Variants in MTUS2 observed in about 807,000 individuals in gnomAD.
The protein encoded by MTUS2 is microtubule associated scaffold protein 2, also known as microtubule-associated tumor suppressor candidate 2.
Under a neutral mutation model 114.1 loss-of-function variants are expected in MTUS2, and 40 were observed. The ratio of observed to expected loss-of-function variants is 0.35; its 90% confidence interval spans 0.27 to 0.46. The LOEUF is 0.46. MTUS2 is among the 20% of genes least tolerant of loss of function. MTUS2 has a pLI of 1.00. For synonymous variants in MTUS2, 688 were observed against 672.0 expected (o/e 1.02, Z -0.37); for missense variants, 1,679 against 1,705.4 (o/e 0.98, Z 0.27).
chr13:28,824,130 A>G (rs538523706), intron 1 of MTUS2, among the ~76,000 whole-genome samples: 28 of 152,326 alleles, frequency 1.8e-4, no homozygotes, highest in African/African-American at 5.8e-4. Context: ...CCTCACTTGC[A>G]TTCCTACCTA....
chr13:29,232,912 G>A (rs1037796840), intron 5 of MTUS2, among the ~76,000 whole-genome samples: 4 of 152,108 alleles, frequency 2.6e-5, no homozygotes, highest in African/African-American at 7.2e-5. Context: ...TTTAAAATTC[G>A]GCTGTTGTTT....
chr13:29,068,526 C>T (rs1038683126), intron 4 of MTUS2, among the ~76,000 whole-genome samples: 3 of 151,940 alleles, frequency 2.0e-5, no homozygotes, highest in Admixed American at 6.6e-5. Flanking sequence ...GCACTGAAGA[C>T]AGAACCATAA....
intron 4 of MTUS2, among the ~76,000 whole-genome samples, chr13:29,078,697 T>C (rs1445428457): frequency 6.6e-6 from 1 of 152,200 alleles, no homozygotes; most frequent in Admixed American, 6.5e-5. Flanking sequence ...ATTTTGGGCA[T>C]TTCGTGTAAT....
intron 5 of MTUS2, among the ~76,000 whole-genome samples, chr13:29,101,232 C>A (rs1243983275): frequency 6.6e-6 from 1 of 151,900 alleles, no homozygotes; most frequent in East Asian, 1.9e-4. Flanking sequence ...ATTCCAGCAG[C>A]CCTTTGCTTT....
chr13:28,988,250 G>A (rs1884676193), intron 2 of MTUS2, among the ~76,000 whole-genome samples: 1 of 152,210 alleles, frequency 6.6e-6, no homozygotes, highest in South Asian at 2.1e-4. Context: ...ACCACAGCAA[G>A]ATTAATGGAG....
chr13:29,146,757 T>C (rs1892450874), intron 5 of MTUS2, among the ~76,000 whole-genome samples: 2 of 152,292 alleles, frequency 1.3e-5, no homozygotes, highest in African/African-American at 4.8e-5. Context: ...TGAAGTTGAG[T>C]ATATTAATCC....
chr13:29,424,754 A>G (rs1213400188), intron 8 of MTUS2, among the ~76,000 whole-genome samples: 1 of 152,190 alleles, frequency 6.6e-6, no homozygotes, highest in African/African-American at 2.4e-5. Context: ...TTACAAAGAA[A>G]CAAAGAGGCA....
chr13:29,298,948 C>T (rs1412279686), intron 6 of MTUS2, among the ~76,000 whole-genome samples: 1 of 152,008 alleles, frequency 6.6e-6, no homozygotes, highest in African/African-American at 2.4e-5. Flanking sequence ...CCGTGGTCTC[C>T]CCAAGGCTGA....
At chr13:29,176,414 C>T (rs1057383703) in intron 5 of MTUS2, among the ~76,000 whole-genome samples, 5 of 152,240 alleles carry the variant, frequency 3.3e-5, no homozygotes, top group East Asian at 3.9e-4. Context: ...CTGTGGTGTC[C>T]GTTGTGTGTT....
intron 5 of MTUS2, among the ~76,000 whole-genome samples, chr13:29,229,557 A>G (rs931032496): frequency 1.3e-5 from 2 of 152,182 alleles, no homozygotes; most frequent in African/African-American, 4.8e-5. Flanking sequence ...TTAAATTTGG[A>G]TGTTTGGGTT....
At chr13:28,852,315 G>A (rs1003120395) in intron 2 of MTUS2, among the ~76,000 whole-genome samples, 3 of 152,082 alleles carry the variant, frequency 2.0e-5, no homozygotes, top group Non-Finnish European at 4.4e-5. Flanking sequence ...GGAAGCTCTG[G>A]GAGGATGACT....
intron 8 of MTUS2, among the ~76,000 whole-genome samples, chr13:29,438,424 G>T (rs1373295151): frequency 6.6e-6 from 1 of 152,198 alleles, no homozygotes; most frequent in Non-Finnish European, 1.5e-5. Context: ...CAATTCTGCA[G>T]TCTGGGAAGC....
At chr13:28,997,910 T>G (rs1885193472) in intron 2 of MTUS2, among the ~76,000 whole-genome samples, 1 of 152,240 alleles carries the variant, frequency 6.6e-6, no homozygotes, top group South Asian at 2.1e-4. Flanking sequence ...AGTATTGTTA[T>G]GTGAGAATTT....
intron 8 of MTUS2, among the ~76,000 whole-genome samples, chr13:29,370,299 C>T (rs1315547713): frequency 6.6e-6 from 1 of 152,032 alleles, no homozygotes; most frequent in Non-Finnish European, 1.5e-5. Context: ...GAGGTAGGGC[C>T]TTTAAGATGT....
At chr13:29,254,294 G>A (rs1897224212) in intron 5 of MTUS2, among the ~76,000 whole-genome samples, 1 of 152,204 alleles carries the variant, frequency 6.6e-6, no homozygotes, top group Non-Finnish European at 1.5e-5. Flanking sequence ...ATGTATGATT[G>A]AGTGAGTAAA....
chr13:29,154,327 G>C (rs1892775069), intron 5 of MTUS2, among the ~76,000 whole-genome samples: 1 of 152,130 alleles, frequency 6.6e-6, no homozygotes, highest in Admixed American at 6.5e-5. Flanking sequence ...TGCTTTTCAA[G>C]TGTTTAAAAG....
At chr13:29,318,807 T>A (rs954901363) in intron 6 of MTUS2, among the ~76,000 whole-genome samples, 11 of 152,182 alleles carry the variant, frequency 7.2e-5, no homozygotes, top group African/African-American at 2.4e-4. Flanking sequence ...TCTCTATGGA[T>A]TGCTAGGCAG....
At chr13:29,239,287 G>A (rs973468523) in intron 5 of MTUS2, 1 of 152,126 alleles carries the variant, frequency 6.6e-6, no homozygotes, top group African/African-American at 2.4e-5. Flanking sequence ...ACTCTCTAAA[G>A]CCAAACAAAA....
intron 9 of MTUS2, among the ~76,000 whole-genome samples, chr13:29,478,152 G>A (rs2138880754): frequency 6.6e-6 from 1 of 152,322 alleles, no homozygotes; most frequent in African/African-American, 2.4e-5. Context: ...CCAGCCTGAA[G>A]GAGACTAAGG....
Sources: gnomAD v4.1 joint callset for allele counts (sites outside exome capture counted in the v4.1 genomes callset) on GRCh38, gnomAD v4.1.1 for gene constraint, MANE v1.5 for transcripts, NCBI Gene and HGNC (gene_info 2026-07-23, HGNC 2026-07-21) for gene names.